ZNF609: variants seen among roughly 807,000 people sequenced by gnomAD.
The protein encoded by ZNF609 is zinc finger protein 609.
In ZNF609, 11 loss-of-function variants were observed where a neutral mutation model predicts 109.5. The ratio of observed to expected loss-of-function variants is 0.10; its 90% CI spans 0.06 to 0.17. ZNF609 has a LOEUF of 0.17. ZNF609 is among the 10% of genes least tolerant of loss of function. The pLI, the probability that ZNF609 is intolerant of heterozygous loss-of-function variation, is 1.00. For missense variants in ZNF609, 1,559 were observed against 1,772.4 expected, an observed-to-expected ratio of 0.88 and a Z score of 2.16; for synonymous variants, 646 against 662.0, an observed-to-expected ratio of 0.98 and a Z score of 0.37.
chr15:64,524,177 T>A (rs1893935960), intron 2 of ZNF609, among the ~76,000 whole-genome samples: 1 of 152,210 alleles, frequency 6.6e-6, no homozygotes, highest in African/African-American at 2.4e-5. Context: ...AGAAACCCTG[T>A]ACCCATCAGC....
chr15:64,663,122 C>T (rs114706131), intron 3 of ZNF609, among the ~76,000 whole-genome samples: 7 of 152,140 alleles, frequency 4.6e-5, no homozygotes, highest in Admixed American at 2.0e-4. Context: ...TCTCTCTGGT[C>T]TCTGTGTTGA....
At chr15:64,645,434 G>T (rs1896321890) in intron 3 of ZNF609, among the ~76,000 whole-genome samples, 1 of 151,186 alleles carries the variant, frequency 6.6e-6, no homozygotes, top group African/African-American at 2.4e-5. Context: ...TTTTTCCTCT[G>T]ATTTTTTTTT....
chr15:64,570,060 A>G (rs767453023), intron 2 of ZNF609, among the ~76,000 whole-genome samples: 8 of 152,126 alleles, frequency 5.3e-5, no homozygotes, highest in Non-Finnish European at 1.2e-4. Flanking sequence ...GGGTCTCGCT[A>G]TATTGCCCAG....
intron 2 of ZNF609, among the ~76,000 whole-genome samples, chr15:64,606,330 G>A (rs1004980078): frequency 1.3e-5 from 2 of 151,550 alleles, no homozygotes; most frequent in Non-Finnish European, 2.9e-5. Context: ...TCAGCACTTT[G>A]GGAGGCTGAG....
chr15:64,576,271 T>TTAA (rs1251762136), intron 2 of ZNF609, among the ~76,000 whole-genome samples: 1 of 152,154 alleles, frequency 6.6e-6, no homozygotes, highest in Non-Finnish European at 1.5e-5. Flanking sequence ...GTTGTTGTTA[T>TTAA]TAATAATAAT....
intron 2 of ZNF609, chr15:64,529,256 C>T (rs556503213): frequency 7.0e-6 from 5 of 715,828 alleles, no homozygotes; most frequent in Non-Finnish European, 1.0e-5. Context: ...TGTCATACTT[C>T]TCATGGTTCA....
intron 1 of ZNF609, among the ~76,000 whole-genome samples, chr15:64,476,576 C>G (rs1893173450): frequency 6.6e-6 from 1 of 152,176 alleles, no homozygotes; most frequent in African/African-American, 2.4e-5. Context: ...AAGGCAATGT[C>G]TACAGTTGTT....
At chr15:64,465,842 G>T (rs1016671782) in intron 1 of ZNF609, among the ~76,000 whole-genome samples, 3 of 151,728 alleles carry the variant, frequency 2.0e-5, no homozygotes, top group Admixed American at 1.3e-4. Flanking sequence ...TAGGCCGGGC[G>T]CAGTGGCTCA....
rs562499898 is a variant in ZNF609, at chr15:64,600,198, C to T, written c.748-22629C>T. Among the ~76,000 whole-genome samples the T allele has an allele frequency of 2.6e-5, 4 of 151,698 alleles. No homozygotes were observed. The South Asian group carries it at 6.3e-4, about 24-fold the overall frequency. ...AGGTGAGGTGGCTCACGCCTATAAT[C>T]CCAGCACTTTGGGAGGCCAAGGCTG... is the stretch of plus-strand genomic sequence containing the variant. On this transcript the variant is annotated intron_variant, in intron 2 of 9. Coordinates refer to ENST00000326648, the MANE Select transcript of ZNF609 (RefSeq NM_015042.2).
intron 2 of ZNF609, among the ~76,000 whole-genome samples, chr15:64,517,372 G>T (rs1470557816): frequency 1.3e-5 from 2 of 152,048 alleles, no homozygotes; most frequent in African/African-American, 4.8e-5. Context: ...GGGGGATTCT[G>T]TCTCAAACAA....
intron 2 of ZNF609, among the ~76,000 whole-genome samples, chr15:64,521,627 T>G (rs916373931): frequency 6.6e-6 from 1 of 152,218 alleles, no homozygotes; most frequent in Admixed American, 6.5e-5. Flanking sequence ...GAATCAAGGC[T>G]CATAACCTTT....
chr15:64,504,021 C>T (rs932768748), intron 2 of ZNF609, among the ~76,000 whole-genome samples: 2 of 152,206 alleles, frequency 1.3e-5, no homozygotes, highest in Non-Finnish European at 2.9e-5. Context: ...TTTATTCCTT[C>T]TGATCCAAGG....
chr15:64,614,762 G>T (rs1466818348), intron 2 of ZNF609, among the ~76,000 whole-genome samples: 3 of 140,798 alleles, frequency 2.1e-5, no homozygotes, highest in African/African-American at 7.9e-5. Context: ...TTGAGTCACT[G>T]TAAAATCTTG....
intron 2 of ZNF609, among the ~76,000 whole-genome samples, chr15:64,505,753 T>G (rs1403805211): frequency 6.6e-6 from 1 of 152,212 alleles, no homozygotes; most frequent in Non-Finnish European, 1.5e-5. Context: ...CATCAAAGTT[T>G]GAGAATTTTC....
intron 1 of ZNF609, among the ~76,000 whole-genome samples, chr15:64,492,840 C>A (rs1013921981): frequency 6.6e-6 from 1 of 152,174 alleles, no homozygotes; most frequent in Non-Finnish European, 1.5e-5. Context: ...ACTCAGAGTT[C>A]ATTGTTCTTT....
At chr15:64,486,416 C>T (rs1206713135) in intron 1 of ZNF609, among the ~76,000 whole-genome samples, 1 of 151,062 alleles carries the variant, frequency 6.6e-6, no homozygotes, top group Non-Finnish European at 1.5e-5. Context: ...CCCGGCTATT[C>T]AGGAGACTGA....
chr15:64,541,129 A>G (rs1248022830), intron 2 of ZNF609, among the ~76,000 whole-genome samples: 2 of 151,092 alleles, frequency 1.3e-5, no homozygotes, highest in Non-Finnish European at 2.9e-5. Context: ...AAAAGCAGAA[A>G]AGAATTGCGT....
At chr15:64,624,761 CTTTTTT>C (rs11411889) in intron 3 of ZNF609, among the ~76,000 whole-genome samples, 1 of 131,876 alleles carries the variant, frequency 7.6e-6, no homozygotes, top group African/African-American at 2.8e-5. Context: ...GTTACGTACA[CTTTTTT>C]TTTTTTTTTT....
intron 2 of ZNF609, among the ~76,000 whole-genome samples, chr15:64,547,924 T>C (rs1247885013): frequency 6.6e-6 from 1 of 152,118 alleles, no homozygotes; most frequent in Non-Finnish European, 1.5e-5. Context: ...TTAATACCCT[T>C]GTAGATTACT....
Sources: allele counts gnomAD v4.1 joint callset (sites outside exome capture counted in the v4.1 genomes callset), GRCh38; gene constraint gnomAD v4.1.1; transcripts MANE v1.5; gene names NCBI Gene and HGNC (gene_info 2026-07-23, HGNC 2026-07-21).